The following GPC5 variants were observed in gnomAD, a reference collection of about 807,000 sequenced individuals.
The protein encoded by GPC5 is glypican-5.
Under a neutral mutation model 53.9 loss-of-function variants are expected in GPC5, and 47 were observed. That is an observed-to-expected ratio of 0.87 (90% CI 0.69 to 1.11). GPC5 has a LOEUF of 1.11. Ranked by LOEUF, GPC5 falls within the 50% of genes most tolerant of loss-of-function variation. The pLI is 0.00. For missense variants in GPC5, 748 were observed against 713.1 expected (o/e 1.05, Z -0.56); for synonymous variants, 286 against 263.3 (o/e 1.09, Z -0.84).
At chr13:91,782,462 G>A (rs960503655) in intron 5 of GPC5, among the ~76,000 whole-genome samples, 8 of 152,174 alleles carry the variant, frequency 5.3e-5, no homozygotes, top group African/African-American at 1.9e-4. Flanking sequence ...CCAGGAAAGA[G>A]AGAGAAGAGC....
At chr13:92,504,283 A>AACAAGT (rs1410506452) in intron 7 of GPC5, among the ~76,000 whole-genome samples, 1 of 151,980 alleles carries the variant, frequency 6.6e-6, no homozygotes, top group Non-Finnish European at 1.5e-5. Flanking sequence ...TTGTAAACCT[A>AACAAGT]ACAAGTACAG....
intron 5 of GPC5, among the ~76,000 whole-genome samples, chr13:91,766,621 G>A (rs1027303970): frequency 1.3e-5 from 2 of 152,146 alleles, no homozygotes; most frequent in African/African-American, 2.4e-5. Context: ...CCAGCGCTTC[G>A]GGAGGCTGAG....
intron 7 of GPC5, among the ~76,000 whole-genome samples, chr13:92,761,938 C>G (rs1171486010): frequency 6.6e-6 from 1 of 151,902 alleles, no homozygotes; most frequent in East Asian, 1.9e-4. Flanking sequence ...GCAAAACTGT[C>G]CTTCAGAAAT....
At chr13:92,331,199 T>C (rs932447099) in intron 7 of GPC5, among the ~76,000 whole-genome samples, 2 of 152,190 alleles carry the variant, frequency 1.3e-5, no homozygotes, top group African/African-American at 4.8e-5. Flanking sequence ...TTTCTGTTTT[T>C]TTCCCCTCAA....
chr13:92,102,507 A>G (rs2041475257), intron 6 of GPC5, among the ~76,000 whole-genome samples: 1 of 152,190 alleles, frequency 6.6e-6, no homozygotes, highest in African/African-American at 2.4e-5. Flanking sequence ...AATGTGACTC[A>G]GAATAAGACA....
At chr13:91,930,132 T>C (rs932849458) in intron 6 of GPC5, among the ~76,000 whole-genome samples, 4 of 152,066 alleles carry the variant, frequency 2.6e-5, no homozygotes, top group Non-Finnish European at 4.4e-5. Context: ...ATGCCCATCA[T>C]AGGTCATGCA....
At chr13:92,105,619 G>C (rs1283762490) in intron 6 of GPC5, among the ~76,000 whole-genome samples, 1 of 151,784 alleles carries the variant, frequency 6.6e-6, no homozygotes, top group Non-Finnish European at 1.5e-5. Context: ...GTTTAATCAA[G>C]GAAATACCTA....
chr13:92,819,847 A>T (rs1435354920), intron 7 of GPC5, among the ~76,000 whole-genome samples: 2 of 152,172 alleles, frequency 1.3e-5, no homozygotes, highest in African/African-American at 4.8e-5. Flanking sequence ...TTCTAATTTG[A>T]TGTCAACTCT....
intron 2 of GPC5, among the ~76,000 whole-genome samples, chr13:91,576,691 C>G (rs2032149529): frequency 6.6e-6 from 1 of 152,118 alleles, no homozygotes; most frequent in Non-Finnish European, 1.5e-5. Context: ...ATGAGAGCTG[C>G]AACAATGGAA....
At chr13:91,686,880 G>A (rs2035634035) in intron 2 of GPC5, among the ~76,000 whole-genome samples, 2 of 151,922 alleles carry the variant, frequency 1.3e-5, no homozygotes, top group Non-Finnish European at 2.9e-5. Context: ...CTTGAGAGTT[G>A]TAATGCACAA....
At chr13:91,407,667 G>T (rs925640509) in intron 1 of GPC5, among the ~76,000 whole-genome samples, 1 of 152,038 alleles carries the variant, frequency 6.6e-6, no homozygotes, top group African/African-American at 2.4e-5. Flanking sequence ...ATCCCATGTC[G>T]GGAGTAAAGT....
chr13:92,565,049 T>C (rs747271916), intron 7 of GPC5, among the ~76,000 whole-genome samples: 2 of 152,062 alleles, frequency 1.3e-5, no homozygotes, highest in Non-Finnish European at 2.9e-5. Context: ...AACAGGACTC[T>C]TCTGGAAGGT....
At chr13:91,828,051 A>T (rs1454149313) in intron 5 of GPC5, among the ~76,000 whole-genome samples, 1 of 152,080 alleles carries the variant, frequency 6.6e-6, no homozygotes, top group East Asian at 1.9e-4. Flanking sequence ...GAATAGCAAA[A>T]GCATTATGCT....
intron 7 of GPC5, among the ~76,000 whole-genome samples, chr13:92,630,139 A>G (rs899390557): frequency 6.6e-6 from 1 of 152,192 alleles, no homozygotes; most frequent in Non-Finnish European, 1.5e-5. Flanking sequence ...ATAAAATATG[A>G]CAGTCAGTAC....
chr13:92,381,483 C>CA (rs1473806673), intron 7 of GPC5, among the ~76,000 whole-genome samples: 1 of 151,850 alleles, frequency 6.6e-6, no homozygotes, highest in Non-Finnish European at 1.5e-5. Flanking sequence ...TGGCCATAAT[C>CA]AAAAAATCAA....
At chr13:92,187,279 T>G (rs761926088) in intron 7 of GPC5, among the ~76,000 whole-genome samples, 1 of 152,216 alleles carries the variant, frequency 6.6e-6, no homozygotes, top group Non-Finnish European at 1.5e-5. Flanking sequence ...GAAAGGTATA[T>G]TCCTTCCCTA....
chr13:92,494,782 G>A (rs376572839), intron 7 of GPC5, among the ~76,000 whole-genome samples: 6 of 152,288 alleles, frequency 3.9e-5, no homozygotes, highest in African/African-American at 1.2e-4. Flanking sequence ...CATTTACCAA[G>A]AAGTCTTGAA....
chr13:92,355,055 ATATT>A (rs1296583914), intron 7 of GPC5, among the ~76,000 whole-genome samples: 1 of 150,978 alleles, frequency 6.6e-6, no homozygotes, highest in African/African-American at 2.4e-5. Flanking sequence ...GATTAGCATA[ATATT>A]TAATTATGCA....
chr13:91,698,045 G>T (rs2035919342), intron 3 of GPC5, among the ~76,000 whole-genome samples: 1 of 151,934 alleles, frequency 6.6e-6, no homozygotes, highest in East Asian at 1.9e-4. Flanking sequence ...GGAATTACAG[G>T]CATGCGTCAC....
Sources: allele counts gnomAD v4.1 joint callset (sites outside exome capture counted in the v4.1 genomes callset), GRCh38; gene constraint gnomAD v4.1.1; transcripts MANE v1.5; gene names NCBI Gene and HGNC (gene_info 2026-07-23, HGNC 2026-07-21).